The following DPP10 variants were observed in gnomAD, a reference collection of about 807,000 sequenced individuals.
The protein encoded by DPP10 is dipeptidyl peptidase like 10, also known as inactive dipeptidyl peptidase 10.
In DPP10, 33 loss-of-function variants were observed where a neutral mutation model predicts 120.9. The ratio of observed to expected loss-of-function variants is 0.27; its 90% CI spans 0.21 to 0.37. DPP10 has a LOEUF of 0.37. Among genes scored for constraint, DPP10 ranks in the 10% least tolerant of loss-of-function variants. The pLI is 1.00. For missense variants in DPP10, 816 were observed against 942.8 expected, an observed-to-expected ratio of 0.87 and a Z score of 1.76; for synonymous variants, 337 against 326.1, an observed-to-expected ratio of 1.03 and a Z score of -0.36.
chr2:115,694,327 A>G (rs2091471306), intron 7 of DPP10, among the ~76,000 whole-genome samples: 4 of 152,160 alleles, frequency 2.6e-5, no homozygotes, highest in Admixed American at 2.6e-4. Flanking sequence ...AGGATAATTA[A>G]TTATCCTTCA....
chr2:115,590,585 G>A (rs2082593303), intron 5 of DPP10, among the ~76,000 whole-genome samples: 1 of 152,138 alleles, frequency 6.6e-6, no homozygotes, highest in Non-Finnish European at 1.5e-5. Flanking sequence ...CATTTGGGTT[G>A]GTTCCAAGTC....
At chr2:114,750,417 T>C (rs2106036143) in intron 1 of DPP10, among the ~76,000 whole-genome samples, 1 of 152,072 alleles carries the variant, frequency 6.6e-6, no homozygotes, top group Admixed American at 6.5e-5. Flanking sequence ...CACTGCAAAC[T>C]CTGCCTCCCA....
intron 1 of DPP10, among the ~76,000 whole-genome samples, chr2:115,275,072 C>T (rs1208907754): frequency 2.0e-5 from 3 of 152,160 alleles, no homozygotes; most frequent in Non-Finnish European, 2.9e-5. Flanking sequence ...TTAGGAGAAG[C>T]ATATATAGAA....
At chr2:115,718,489 A>G (rs2092561855) in intron 7 of DPP10, among the ~76,000 whole-genome samples, 1 of 152,096 alleles carries the variant, frequency 6.6e-6, no homozygotes, top group Non-Finnish European at 1.5e-5. Flanking sequence ...CTATCTCTAC[A>G]TTTCTTAGAT....
At chr2:115,146,231 AT>A (rs1269385620) in intron 1 of DPP10, among the ~76,000 whole-genome samples, 6 of 152,092 alleles carry the variant, frequency 3.9e-5, no homozygotes, top group African/African-American at 1.4e-4. Flanking sequence ...CAGGATGGTG[AT>A]AAAAATTCAG....
chr2:115,486,184 T>C (rs768836769), intron 3 of DPP10, among the ~76,000 whole-genome samples: 15 of 152,120 alleles, frequency 9.9e-5, no homozygotes, highest in Non-Finnish European at 1.9e-4. Context: ...TCTATCACCT[T>C]TTGTATGTCA....
intron 1 of DPP10, among the ~76,000 whole-genome samples, chr2:114,759,826 T>G (rs1680119246): frequency 6.7e-6 from 1 of 148,910 alleles, no homozygotes; most frequent in Non-Finnish European, 1.5e-5. Context: ...TGGGGGTGGG[T>G]CAGCACAAGA....
chr2:114,538,396 G>A lies in DPP10; in HGVS notation c.60+95558G>A, dbSNP rs72951848. On this transcript the variant is annotated intron_variant, in intron 1 of 25. Coordinates refer to ENST00000410059, the MANE Select transcript of DPP10 (RefSeq NM_020868.6). Reference sequence around the variant, plus strand: ...AGATCTAGTGCAAACCCCTCACTCAGAGAAGGGAATTGAGACTCACAGAGC... The same window carrying A: ...AGATCTAGTGCAAACCCCTCACTCAAAGAAGGGAATTGAGACTCACAGAGC... Among the ~76,000 whole-genome samples, 508 of 152,310 alleles carry A rather than the reference G, an allele frequency of 3.3e-3. 3 individuals are homozygous for A. Among genetic ancestry groups the A allele is most frequent in the African/African-American group, 0.011 (462 of 41,574 alleles).
At chr2:115,161,978 C>G in intron 1 of DPP10, 2 of 1,412,084 alleles carry the variant, frequency 1.4e-6, no homozygotes, top group Non-Finnish European at 1.8e-6. Context: ...GAAGCAGGAG[C>G]CGCAGCCCAC....
chr2:115,090,738 G>A (rs1709177717), intron 1 of DPP10, among the ~76,000 whole-genome samples: 2 of 152,018 alleles, frequency 1.3e-5, no homozygotes, highest in African/African-American at 4.8e-5. Flanking sequence ...GTATTTATTG[G>A]TGAGAGAGGT....
chr2:114,695,353 CG>C (rs1700010560), intron 1 of DPP10, among the ~76,000 whole-genome samples: 1 of 151,944 alleles, frequency 6.6e-6, no homozygotes. Context: ...AGATCTAGAG[CG>C]GGGGCCATTT....
chr2:114,791,892 A>G (rs113822736), intron 1 of DPP10, among the ~76,000 whole-genome samples: 11 of 152,328 alleles, frequency 7.2e-5, no homozygotes, highest in African/African-American at 2.2e-4. Flanking sequence ...AAAATGCTAT[A>G]TATCTGTATA....
chr2:115,694,432 A>C (rs111642096), intron 7 of DPP10, among the ~76,000 whole-genome samples: 1,885 of 152,300 alleles, frequency 0.012, 46 homozygotes, highest in African/African-American at 0.043. Flanking sequence ...AAGAGGATCT[A>C]AGTTAGAACT....
At chr2:114,797,139 A>C (rs6723690) in intron 1 of DPP10, among the ~76,000 whole-genome samples, 83,911 of 152,006 alleles carry the variant, frequency 0.55, 23,479 homozygotes, top group East Asian at 0.78. Context: ...CCCTGTTTTA[A>C]AGTTAATTTT....
chr2:115,791,217 T>C, intron 18 of DPP10, 38 bp downstream of exon 18: 1 of 1,606,466 alleles, frequency 6.2e-7, no homozygotes. Context: ...CAAGAACAAC[T>C]TTCTCTGCGT....
chr2:115,161,937 G>A, intron 1 of DPP10: 3 of 1,440,784 alleles, frequency 2.1e-6, no homozygotes, highest in South Asian at 1.4e-5. Context: ...GGAAGCGAGC[G>A]CCAGCGCGGG....
intron 1 of DPP10, among the ~76,000 whole-genome samples, chr2:114,618,623 T>C (rs1469004625): frequency 6.6e-6 from 1 of 152,006 alleles, no homozygotes; most frequent in Non-Finnish European, 1.5e-5. Flanking sequence ...TAAATAATAA[T>C]ACTAATAATA....
In DPP10 at chr2:115,385,351, C is replaced by CTT. The variant is rs563049219; in HGVS notation, c.271+41454_271+41455dup. On this transcript the variant is annotated intron_variant, in intron 3 of 25. Transcript: ENST00000410059. ...TTTGTTCAATCATATTTCTGTCTTT[C>CTT]TTTTTTTTTTTTTTTTAAATCAAGA... Among the ~76,000 whole-genome samples, 761 of 142,928 alleles carry CTT rather than the reference C, an allele frequency of 5.3e-3. 1 individual carries two copies. The highest frequency in any genetic ancestry group is 0.015 in the African/African-American group (595 of 38,868). The allele number at this position is 142,928 out of a possible 152,430, so 93.8% of individuals were successfully genotyped here.
At chr2:114,444,172 T>C (rs891015154) in intron 1 of DPP10, among the ~76,000 whole-genome samples, 1 of 152,216 alleles carries the variant, frequency 6.6e-6, no homozygotes, top group African/African-American at 2.4e-5. Context: ...TTAGATTTTC[T>C]GTGCTGTATC....
Sources: gnomAD v4.1 joint callset for allele counts (sites outside exome capture counted in the v4.1 genomes callset) on GRCh38, gnomAD v4.1.1 for gene constraint, MANE v1.5 for transcripts, NCBI Gene and HGNC (gene_info 2026-07-23, HGNC 2026-07-21) for gene names.